ZNF892: variants seen among roughly 807,000 people sequenced by gnomAD.
ZNF892 encodes the protein zinc finger protein 892.
chr2:95,243,651 T>A, the ZNF892 span, among the ~76,000 whole-genome samples: 3 of 147,274 alleles, frequency 2.0e-5, no homozygotes, highest in Admixed American at 2.0e-4. Flanking sequence ...CCCCTCCGCC[T>A]GGCAGCCACC....
the ZNF892 span, among the ~76,000 whole-genome samples, chr2:95,244,279 A>G: frequency 6.7e-6 from 1 of 148,632 alleles, no homozygotes; most frequent in Non-Finnish European, 1.5e-5. Flanking sequence ...CCTTCCCTCC[A>G]CTATTGTCCT....
the ZNF892 span, chr2:95,207,814 C>T: frequency 2.5e-6 from 1 of 398,552 alleles, no homozygotes; most frequent in Admixed American, 4.4e-5. Context: ...GAAGGAGTCT[C>T]CATGGAACCT....
At chr2:95,254,963 C>T in the ZNF892 span, among the ~76,000 whole-genome samples, 2 of 152,070 alleles carry the variant, frequency 1.3e-5, no homozygotes, top group African/African-American at 4.8e-5. Flanking sequence ...CTATTTGATT[C>T]TTCTCTTTCT....
chr2:95,232,596 C>T, the ZNF892 span, among the ~76,000 whole-genome samples: 2 of 152,292 alleles, frequency 1.3e-5, no homozygotes, highest in East Asian at 3.9e-4. Context: ...TCTCTTGGTA[C>T]ATCTAGTGTA....
the ZNF892 span, among the ~76,000 whole-genome samples, chr2:95,230,017 A>G: frequency 3.3e-5 from 5 of 150,810 alleles, no homozygotes; most frequent in Admixed American, 2.6e-4. Flanking sequence ...TTTCTGTGGT[A>G]TATATATATA....
At chr2:95,251,565 A>C in the ZNF892 span, among the ~76,000 whole-genome samples, 81 of 152,318 alleles carry the variant, frequency 5.3e-4, no homozygotes, top group African/African-American at 1.8e-3. Context: ...AGAGCCTAGG[A>C]AAGCAGAGAC....
the ZNF892 span, among the ~76,000 whole-genome samples, chr2:95,209,829 G>C: frequency 1.3e-5 from 2 of 152,058 alleles, no homozygotes; most frequent in East Asian, 3.9e-4. Context: ...GAACGAAGAT[G>C]GTGCATGTTA....
chr2:95,257,709 G>T, the ZNF892 span, among the ~76,000 whole-genome samples: 1 of 152,232 alleles, frequency 6.6e-6, no homozygotes, highest in African/African-American at 2.4e-5. Flanking sequence ...GCTGTGGTGG[G>T]CTCCACCTAG....
the ZNF892 span, among the ~76,000 whole-genome samples, chr2:95,210,138 C>CATGTATAT: frequency 7.1e-6 from 1 of 141,142 alleles, no homozygotes; most frequent in South Asian, 2.3e-4. Flanking sequence ...TATGTGTATA[C>CATGTATAT]ATGTATATAT....
chr2:95,211,104 A>T, the ZNF892 span, among the ~76,000 whole-genome samples: 1 of 152,182 alleles, frequency 6.6e-6, no homozygotes, highest in African/African-American at 2.4e-5. Flanking sequence ...TGGGCTTCAG[A>T]TACTGTTTTA....
chr2:95,243,682 G>A, the ZNF892 span, among the ~76,000 whole-genome samples: 22 of 151,564 alleles, frequency 1.5e-4, no homozygotes, highest in African/African-American at 3.2e-4. Context: ...AGTGAGGAGC[G>A]TCTCCGCCCG....
At chr2:95,263,532 C>T in the ZNF892 span, among the ~76,000 whole-genome samples, 1 of 152,112 alleles carries the variant, frequency 6.6e-6, no homozygotes, top group South Asian at 2.1e-4. Flanking sequence ...ATAACACATA[C>T]ATTTGGTAAA....
chr2:95,217,250 T>A, the ZNF892 span, among the ~76,000 whole-genome samples: 1 of 152,172 alleles, frequency 6.6e-6, no homozygotes, highest in South Asian at 2.1e-4. Flanking sequence ...TTAACCCTAA[T>A]TACCCCCCTG....
At chr2:95,212,076 T>G in the ZNF892 span, 2 of 397,002 alleles carry the variant, frequency 5.0e-6, no homozygotes, top group South Asian at 1.4e-4. Flanking sequence ...TCGTGAACAC[T>G]GTTGAGGAAG....
chr2:95,246,375 G>A, the ZNF892 span, among the ~76,000 whole-genome samples: 1 of 152,082 alleles, frequency 6.6e-6, no homozygotes, highest in East Asian at 1.9e-4. Flanking sequence ...AAAATAATAA[G>A]AGCCATATAT....
chr2:95,213,182 T>G, the ZNF892 span, among the ~76,000 whole-genome samples: 2 of 152,242 alleles, frequency 1.3e-5, no homozygotes, highest in African/African-American at 2.4e-5. Flanking sequence ...CAACTTGAAC[T>G]CTTAACATCA....
the ZNF892 span, among the ~76,000 whole-genome samples, chr2:95,255,643 T>G: frequency 6.6e-6 from 1 of 152,200 alleles, no homozygotes; most frequent in African/African-American, 2.4e-5. Context: ...TTGTTAACTT[T>G]CTGTCTCATT....
chr2:95,210,994 C>G, the ZNF892 span, among the ~76,000 whole-genome samples: 2 of 152,058 alleles, frequency 1.3e-5, no homozygotes, highest in African/African-American at 4.8e-5. Flanking sequence ...ACACACACTT[C>G]AAGCAGATGA....
At chr2:95,257,850 C>T in the ZNF892 span, among the ~76,000 whole-genome samples, 7 of 152,290 alleles carry the variant, frequency 4.6e-5, no homozygotes, top group East Asian at 5.8e-4. Flanking sequence ...GCTCCGTGGG[C>T]GTAGGACCCT....
Sources: allele counts gnomAD v4.1 joint callset (sites outside exome capture counted in the v4.1 genomes callset), GRCh38; gene constraint gnomAD v4.1.1; transcripts MANE v1.5; gene names NCBI Gene and HGNC (gene_info 2026-07-23, HGNC 2026-07-21).